Variants in DOCK2 observed in about 807,000 individuals in gnomAD.
DOCK2 encodes dedicator of cytokinesis 2, also known as dedicator of cytokinesis protein 2.
Under a neutral mutation model 248.9 loss-of-function variants are expected in DOCK2, and 87 were observed. That is an observed-to-expected ratio of 0.35 (90% CI 0.29 to 0.42). The LOEUF (loss-of-function observed/expected upper bound fraction) is 0.42. Ranked by LOEUF, DOCK2 falls within the 10% of genes least tolerant of loss-of-function variation. The probability of loss-of-function intolerance (pLI) is 1.00; values close to 1 mark genes in which losing one functional copy is unlikely to be tolerated. For synonymous variants in DOCK2, 805 were observed against 821.6 expected, an observed-to-expected ratio of 0.98 and a Z score of 0.35; for missense variants, 1,747 against 2,300.2, an observed-to-expected ratio of 0.76 and a Z score of 4.92.
intron 27 of DOCK2, among the ~76,000 whole-genome samples, chr5:169,901,278 G>A (rs1011371894): frequency 1.3e-5 from 2 of 152,162 alleles, no homozygotes; most frequent in African/African-American, 4.8e-5. Context: ...TAAAGGAAAG[G>A]CCAGCTTGGA....
chr5:169,663,202 A>G (rs565376019), intron 2 of DOCK2, among the ~76,000 whole-genome samples: 1 of 152,336 alleles, frequency 6.6e-6, no homozygotes, highest in South Asian at 2.1e-4. Flanking sequence ...CATGTCTCAC[A>G]TCTATGCAAG....
chr5:169,781,164 T>A (rs1765696266), intron 25 of DOCK2, among the ~76,000 whole-genome samples: 1 of 152,144 alleles, frequency 6.6e-6, no homozygotes, highest in South Asian at 2.1e-4. Flanking sequence ...ATGAACCTGA[T>A]GCACATGTCT....
At position 169,986,005 on chromosome 5, in the gene DOCK2, A is replaced by C; in HGVS notation, c.2993+83A>C. The C allele has an allele frequency of 4.7e-6, 6 of 1,265,604 alleles. No individual in the cohort carries two copies. The South Asian group carries it at 9.7e-5, about 20-fold the overall frequency. The allele number at this position is 1,265,604 out of a possible 1,614,324, so 78.4% of individuals were successfully genotyped here. ...CTTATTTTGGGTTAAATTAGGGACA[A>C]TTTCTCCTTGCTGAAAAGAAATTAA... On this transcript the variant is annotated intron_variant, in intron 29 of 51. Transcript: ENST00000520908.
intron 27 of DOCK2, among the ~76,000 whole-genome samples, chr5:169,888,036 A>G (rs1440627847): frequency 6.6e-6 from 1 of 152,060 alleles, no homozygotes; most frequent in Non-Finnish European, 1.5e-5. Flanking sequence ...TGATACAAAT[A>G]AAGGCTGAAA....
At chr5:169,724,012 C>T (rs984360119) in intron 22 of DOCK2, among the ~76,000 whole-genome samples, 2 of 152,172 alleles carry the variant, frequency 1.3e-5, no homozygotes, top group African/African-American at 4.8e-5. Flanking sequence ...GAGTCAAGCT[C>T]AATGATCACA....
At chr5:169,731,070 G>A (rs938058713) in intron 22 of DOCK2, among the ~76,000 whole-genome samples, 1 of 152,062 alleles carries the variant, frequency 6.6e-6, no homozygotes, top group Non-Finnish European at 1.5e-5. Context: ...GTCTCACTGT[G>A]TTGCTGAGGC....
chr5:169,844,099 G>A (rs528158770), intron 27 of DOCK2, among the ~76,000 whole-genome samples: 23 of 152,334 alleles, frequency 1.5e-4, no homozygotes, highest in Non-Finnish European at 2.9e-5. Flanking sequence ...TATGGGAACT[G>A]TATGTTTAAC....
At chr5:169,742,969 C>A (rs886778841) in intron 22 of DOCK2, among the ~76,000 whole-genome samples, 29 of 152,182 alleles carry the variant, frequency 1.9e-4, no homozygotes, top group African/African-American at 6.8e-4. Context: ...TGTTCCCTGG[C>A]AAAATCTGCT....
rs575713174 is a variant in DOCK2 at position 169,811,986 on chromosome 5, G to A, written c.2703+8780G>A. On this transcript the variant is annotated intron_variant, in intron 26 of 51. Coordinates refer to ENST00000520908, the MANE Select transcript of DOCK2 (RefSeq NM_004946.3). ...GCTCTATTCTGTATGCTGGGGCTACGGCTGTGAGCAGAGCAGGGGATAAAT... is the reference window on the plus strand; with the variant it reads ...GCTCTATTCTGTATGCTGGGGCTACAGCTGTGAGCAGAGCAGGGGATAAAT... 1.2e-4 allele frequency among the ~76,000 whole-genome samples: 18 copies of A among 152,294 alleles called. No homozygotes were observed. In the South Asian group the frequency reaches 3.5e-3, roughly 30 times the overall value.
chr5:169,811,544 G>A (rs185643707), intron 26 of DOCK2, among the ~76,000 whole-genome samples: 1 of 152,284 alleles, frequency 6.6e-6, no homozygotes, highest in African/African-American at 2.4e-5. Flanking sequence ...TGTGACCAAG[G>A]CTGCTTTGTT....
chr5:170,008,798 T>C, intron 32 of DOCK2, 52 bp downstream of exon 32: 1 of 1,606,774 alleles, frequency 6.2e-7, no homozygotes, highest in East Asian at 2.2e-5. Context: ...CCAAACTCCT[T>C]CTTAAAGACC....
intron 25 of DOCK2, among the ~76,000 whole-genome samples, chr5:169,801,200 C>G (rs1430489796): frequency 8.7e-6 from 1 of 115,546 alleles, no homozygotes; most frequent in Non-Finnish European, 1.7e-5. Flanking sequence ...TGGGGTTTCA[C>G]CATATTGGCC....
chr5:170,063,417 A>G (rs762657548), intron 44 of DOCK2, among the ~76,000 whole-genome samples: 1 of 152,150 alleles, frequency 6.6e-6, no homozygotes, highest in South Asian at 2.1e-4. Context: ...CAGGGGTTAC[A>G]TCCCCTTGGA....
intron 27 of DOCK2, among the ~76,000 whole-genome samples, chr5:169,843,228 T>G (rs1581271772): frequency 6.6e-6 from 1 of 152,316 alleles, no homozygotes; most frequent in East Asian, 1.9e-4. Context: ...CCTACCTAGT[T>G]TTCCAGGTCC....
At chr5:170,077,010 C>G (rs2113875710) in intron 47 of DOCK2, among the ~76,000 whole-genome samples, 1 of 152,284 alleles carries the variant, frequency 6.6e-6, no homozygotes, top group East Asian at 1.9e-4. Flanking sequence ...TTCCCACTAC[C>G]CCATCAGGTT....
chr5:170,003,352 G>A (rs1754908317), intron 30 of DOCK2, among the ~76,000 whole-genome samples: 1 of 152,196 alleles, frequency 6.6e-6, no homozygotes, highest in South Asian at 2.1e-4. Context: ...TCACACCCTG[G>A]TCTGCAAGAC....
In DOCK2 at chr5:169,671,161, A is replaced by G. The variant is rs1272473127; in HGVS notation, c.308A>G (p.Lys103Arg). 3.7e-6 allele frequency: 6 copies of G among 1,613,962 alleles called. No homozygotes were observed. The African/African-American group carries it at 4.0e-5, about 11-fold the overall frequency. The change falls in exon 5 of 52, where the codon AAA becomes AGA. Residue 103 changes from lysine (K) to arginine (R), a missense_variant. Physicochemically the swap from Lys to Arg is conservative, Grantham distance 26. Around this residue, in one of 4 missense-constraint regions of DOCK2, gnomAD observed 375 missense variants for 510.9 expected, o/e 0.73. Coordinates refer to ENST00000520908, the MANE Select transcript of DOCK2 (RefSeq NM_004946.3). Reference protein sequence around the residue: ...TTLWEWGSIWKQLYVASKKER... With the variant: ...TTLWEWGSIWRQLYVASKKER... ...CTTTGGGAATGGGGAAGCATCTGGA[A>G]ACAACTCTATGTGGTGAGACTCAGA... is the stretch of plus-strand genomic sequence containing the variant.
chr5:169,697,450 A>G (rs1760700420), intron 10 of DOCK2, among the ~76,000 whole-genome samples: 1 of 152,184 alleles, frequency 6.6e-6, no homozygotes, highest in Admixed American at 6.5e-5. Context: ...GAGCTTTAAT[A>G]TAGGTCACGT....
chr5:169,957,753 G>A (rs1776926070), intron 27 of DOCK2, among the ~76,000 whole-genome samples: 1 of 152,170 alleles, frequency 6.6e-6, no homozygotes, highest in Non-Finnish European at 1.5e-5. Context: ...TCAGGTTCCT[G>A]GTCTGTTCAT....
Sources: allele counts gnomAD v4.1 joint callset (sites outside exome capture counted in the v4.1 genomes callset), GRCh38; gene constraint gnomAD v4.1.1; regional missense constraint gnomAD v4.1.1; transcripts MANE v1.5; gene names NCBI Gene and HGNC (gene_info 2026-07-23, HGNC 2026-07-21).